Variants in CPNE8 observed in about 807,000 individuals in gnomAD.
CPNE8 encodes copine 8.
A neutral mutation model predicts 81.5 loss-of-function variants in CPNE8; 45 were observed. The observed-to-expected ratio is 0.55, with a 90% CI of 0.44 to 0.71. The LOEUF is 0.71. Among genes scored for constraint, CPNE8 ranks in the 30% least tolerant of loss-of-function variants. CPNE8 has a pLI of 0.00. For missense variants in CPNE8, 594 were observed against 672.1 expected (o/e 0.88, Z 1.28); for synonymous variants, 252 against 226.3 (o/e 1.11, Z -1.02).
intron 6 of CPNE8, among the ~76,000 whole-genome samples, chr12:38,819,766 CAAAAAAA>C (rs71068584): frequency 1.5e-5 from 1 of 65,306 alleles, no homozygotes; most frequent in African/African-American, 6.0e-5. Flanking sequence ...GACTCCGTCT[CAAAAAAA>C]AAAAAAAAAA....
intron 6 of CPNE8, among the ~76,000 whole-genome samples, chr12:38,782,152 G>C (rs1219314042): frequency 6.6e-6 from 1 of 152,106 alleles, no homozygotes; most frequent in East Asian, 1.9e-4. Flanking sequence ...AAACTGGTGT[G>C]ACAGGAATAC....
At position 38,813,550 on chromosome 12, in the gene CPNE8, G is replaced by A. The variant is rs149414662; in HGVS notation, c.407+15829C>T. 3.0e-3 allele frequency among the ~76,000 whole-genome samples: 455 copies of A among 152,286 alleles called. 2 individuals carry two copies. Among genetic ancestry groups the A allele is most frequent in the Non-Finnish European group, 5.0e-3 (338 of 68,024 alleles). Reference sequence around the variant, plus strand: ...TTTCTTTGGGACATCTATGTTCAGTGGGCAGTTGTGCCAAGGGGAGAAATA... The same window carrying A: ...TTTCTTTGGGACATCTATGTTCAGTAGGCAGTTGTGCCAAGGGGAGAAATA... On this transcript the variant is annotated intron_variant, in intron 6 of 19. Transcript: ENST00000331366.
intron 1 of CPNE8, among the ~76,000 whole-genome samples, chr12:38,888,221 GAAT>G (rs2137135917): frequency 6.6e-6 from 1 of 152,260 alleles, no homozygotes; most frequent in African/African-American, 2.4e-5. Flanking sequence ...ATTAGCTGTA[GAAT>G]AATATGTTGC....
chr12:38,656,595 TG>T (rs1240226570), intron 19 of CPNE8, among the ~76,000 whole-genome samples: 1 of 152,200 alleles, frequency 6.6e-6, no homozygotes, highest in African/African-American at 2.4e-5. Context: ...CTGGTTCTGC[TG>T]CCTGTTGCCT....
intron 6 of CPNE8, among the ~76,000 whole-genome samples, chr12:38,790,846 T>C (rs1294135969): frequency 6.6e-6 from 1 of 151,680 alleles, no homozygotes; most frequent in Non-Finnish European, 1.5e-5. Context: ...TTTTGTGTGA[T>C]TTGGTTTGTT....
At position 38,758,953 on chromosome 12, in the gene CPNE8, T is replaced by G. The variant is rs868314627; in HGVS notation, c.722+1894A>C. ...AGGATTGAACGTCTATGGATGTGGA[T>G]GAAACCTAAATTTATACCCCTTGTT... is the stretch of plus-strand genomic sequence containing the variant. On this transcript the variant is annotated intron_variant, in intron 10 of 19. Coordinates refer to ENST00000331366, the MANE Select transcript of CPNE8 (RefSeq NM_153634.3). 2.6e-5 allele frequency among the ~76,000 whole-genome samples: 4 copies of G among 152,294 alleles called. No individual in the cohort carries two copies. The South Asian group carries it at 8.3e-4, about 32-fold the overall frequency.
intron 19 of CPNE8, among the ~76,000 whole-genome samples, chr12:38,666,192 A>C (rs1489337105): frequency 6.6e-6 from 1 of 152,218 alleles, no homozygotes; most frequent in East Asian, 1.9e-4. Flanking sequence ...ATCTGACTTG[A>C]ATTGATTAGC....
intron 6 of CPNE8, among the ~76,000 whole-genome samples, chr12:38,781,485 G>C (rs554663040): frequency 6.6e-6 from 1 of 152,072 alleles, no homozygotes; most frequent in Admixed American, 6.5e-5. Context: ...TTGAAAATCA[G>C]TACACCTACA....
At chr12:38,688,595 T>C (rs1401777323) in intron 15 of CPNE8, among the ~76,000 whole-genome samples, 1 of 108,424 alleles carries the variant, frequency 9.2e-6, no homozygotes, top group Non-Finnish European at 1.9e-5. Context: ...ATAAAGAAAA[T>C]GTGGTGTGTG....
intron 3 of CPNE8, among the ~76,000 whole-genome samples, chr12:38,863,745 G>A (rs1943874058): frequency 6.6e-6 from 1 of 152,110 alleles, no homozygotes; most frequent in African/African-American, 2.4e-5. Context: ...TTACCCATGG[G>A]ATCAAGAACA....
chr12:38,829,498 A>AC, intron 5 of CPNE8, 43 bp from the exon 6 acceptor site: 3 of 1,335,846 alleles, frequency 2.2e-6, no homozygotes, highest in Non-Finnish European at 3.2e-6. Context: ...TTTCCAAACT[A>AC]TCTTTACAGT....
intron 4 of CPNE8, among the ~76,000 whole-genome samples, chr12:38,845,493 G>A (rs1943541966): frequency 6.6e-6 from 1 of 152,004 alleles, no homozygotes; most frequent in South Asian, 2.1e-4. Flanking sequence ...CTGGGAATTT[G>A]TATTGCCTAC....
chr12:38,885,186 T>C (rs1457207732), intron 1 of CPNE8, among the ~76,000 whole-genome samples: 2 of 152,166 alleles, frequency 1.3e-5, no homozygotes, highest in African/African-American at 4.8e-5. Flanking sequence ...GAAAATGATA[T>C]AATAATTAAA....
At chr12:38,705,899 C>G (rs1476131755) in intron 13 of CPNE8, among the ~76,000 whole-genome samples, 1 of 151,982 alleles carries the variant, frequency 6.6e-6, no homozygotes, top group Non-Finnish European at 1.5e-5. Flanking sequence ...TTATTTTACA[C>G]ACATAATATA....
At chr12:38,844,803 A>C (rs997561930) in intron 4 of CPNE8, among the ~76,000 whole-genome samples, 6 of 152,162 alleles carry the variant, frequency 3.9e-5, no homozygotes, top group Non-Finnish European at 8.8e-5. Flanking sequence ...GTTTAGATAA[A>C]ACATGTTCAA....
At chr12:38,830,619 C>A (rs1943270374) in intron 5 of CPNE8, among the ~76,000 whole-genome samples, 1 of 152,004 alleles carries the variant, frequency 6.6e-6, no homozygotes, top group African/African-American at 2.4e-5. Flanking sequence ...CTGAACACGA[C>A]CAAGAAAATT....
chr12:38,760,248 T>A (rs1015189645), intron 10 of CPNE8, among the ~76,000 whole-genome samples: 2 of 151,918 alleles, frequency 1.3e-5, no homozygotes, highest in Non-Finnish European at 2.9e-5. Context: ...TACAAACATC[T>A]CATCATCATC....
chr12:38,742,190 T>A (rs12308118), intron 10 of CPNE8, among the ~76,000 whole-genome samples: 58 of 152,198 alleles, frequency 3.8e-4, no homozygotes, highest in African/African-American at 1.3e-3. Flanking sequence ...ACCCAAAGGA[T>A]TATAAATCAT....
At chr12:38,797,889 C>T (rs1248725503) in intron 6 of CPNE8, among the ~76,000 whole-genome samples, 1 of 152,038 alleles carries the variant, frequency 6.6e-6, no homozygotes, top group Non-Finnish European at 1.5e-5. Context: ...GGCTCGAGAA[C>T]TACGTGAAGA....
Sources: allele counts gnomAD v4.1 joint callset (sites outside exome capture counted in the v4.1 genomes callset), GRCh38; gene constraint gnomAD v4.1.1; transcripts MANE v1.5; gene names NCBI Gene and HGNC (gene_info 2026-07-23, HGNC 2026-07-21).